ARHGEF18: variants seen among roughly 807,000 people sequenced by gnomAD.
The protein encoded by ARHGEF18 is rho guanine nucleotide exchange factor 18.
A neutral mutation model predicts 155.7 loss-of-function variants in ARHGEF18; 93 were observed. The ratio of observed to expected loss-of-function variants is 0.60; its 90% CI spans 0.50 to 0.71. ARHGEF18 has a LOEUF of 0.71. Ranked by LOEUF, ARHGEF18 falls within the 30% of genes least tolerant of loss-of-function variation. The pLI is 0.00. For synonymous variants in ARHGEF18, 742 were observed against 753.1 expected (o/e 0.99, Z 0.24); for missense variants, 1,593 against 1,816.1 (o/e 0.88, Z 2.23).
intron 10 of ARHGEF18, among the ~76,000 whole-genome samples, chr19:7,393,074 GA>G (rs902345454): frequency 1.4e-5 from 2 of 139,694 alleles, no homozygotes; most frequent in African/African-American, 5.3e-5. Flanking sequence ...AAAAAAAAAG[GA>G]AAAAAAATAA....
At chr19:7,449,600 G>T (rs1298234324) in intron 15 of ARHGEF18, among the ~76,000 whole-genome samples, 2 of 152,076 alleles carry the variant, frequency 1.3e-5, no homozygotes, top group Non-Finnish European at 1.5e-5. Context: ...TGGGTTAGGG[G>T]GTGTGTGTTC....
chr19:7,464,414 C>G, intron 22 of ARHGEF18, 146 bp from the exon 23 acceptor site: 1 of 965,716 alleles, frequency 1.0e-6, no homozygotes, highest in Non-Finnish European at 1.5e-6. Flanking sequence ...CAGCCTGCCC[C>G]TCTCCAGCAG....
Position 7,439,738 on chromosome 19 carries a change from T to A in ARHGEF18, c.968-606T>A, listed in dbSNP as rs560603725. 5 of 1,361,482 alleles carry A rather than the reference T, an allele frequency of 3.7e-6. No individual in the cohort carries two copies. The African/African-American group carries it at 7.3e-5, about 20-fold the overall frequency. The allele number at this position is 1,361,482 out of a possible 1,614,324, so 84.3% of individuals were successfully genotyped here. The stretch of plus-strand genomic sequence containing the variant: ...GTCTTAGAGTCACCCTAACATCTGA[T>A]CTAGATTAATTATCATCATGTGCGA... On this transcript the variant is annotated intron_variant, in intron 10 of 28. Transcript: ENST00000668164.
downstream of ARHGEF18, among the ~76,000 whole-genome samples, chr19:7,473,831 AAATT>A (rs75898191): frequency 7.7e-6 from 1 of 130,698 alleles, no homozygotes; most frequent in Non-Finnish European, 1.6e-5. Context: ...AAAAAAAAAA[AAATT>A]AGCCAGGTAT....
intron 1 of ARHGEF18, among the ~76,000 whole-genome samples, chr19:7,350,763 GGTGGGTGT>G (rs1455863814): frequency 0.21 from 27,876 of 133,032 alleles, 3,014 homozygotes; most frequent in African/African-American, 0.25. Context: ...AGTTTTTTGG[GGTGGGTGT>G]GTGTGTGTGT....
In ARHGEF18 at chr19:7,468,735, C is replaced by T. The variant is rs541348320; in HGVS notation, c.3481-90C>T. 14 of 1,360,988 alleles carry T rather than the reference C, an allele frequency of 1.0e-5. No homozygotes were observed. In the Admixed American group the frequency reaches 1.3e-4, roughly 13 times the overall value. 84.3% of individuals were successfully genotyped at this position (1,360,988 alleles called of 1,614,324 possible). ...TGGCTCTGTCCAGAACAGGAGAGGTCGAGGGTCTCCTGTGCACGACCCTCG... is the reference window on the plus strand; with the variant it reads ...TGGCTCTGTCCAGAACAGGAGAGGTTGAGGGTCTCCTGTGCACGACCCTCG... On this transcript the variant is annotated intron_variant, in intron 26 of 28. Transcript: ENST00000668164.
chr19:7,362,125 G>A lies in ARHGEF18; in HGVS notation c.-110-656G>A, dbSNP rs12976556. ...GGAGAAGGAGAAGGAGAAGGAGAAG[G>A]AGAAGGAGAAGGAGAAGGAGAAGGA... On this transcript the variant is annotated intron_variant, in intron 1 of 28. Coordinates refer to ENST00000668164, the MANE Select transcript of ARHGEF18 (RefSeq NM_001367823.1). Among the ~76,000 whole-genome samples, 8 of 25,918 alleles carry A rather than the reference G, an allele frequency of 3.1e-4. No individual in the cohort carries two copies. In the East Asian group the frequency reaches 5.7e-3, roughly 19 times the overall value. 17.0% of individuals were successfully genotyped at this position (25,918 alleles called of 152,430 possible).
In ARHGEF18 at chr19:7,466,830, A is replaced by G. The variant is rs1176408375; in HGVS notation, c.2905-88A>G. On this transcript the variant is annotated intron_variant, in intron 23 of 28. Transcript: ENST00000668164. ...AAAAAAAAAAAAAAAAAAAAAAGTT[A>G]AAAAAAAAGAAGAAGAAGAAGAAGG... The G allele has an allele frequency of 3.4e-5, 30 of 885,268 alleles. 1 individual carries two copies. The Middle Eastern group carries it at 1.1e-3, about 32-fold the overall frequency. The allele number at this position is 885,268 out of a possible 1,614,324, so 54.8% of individuals were successfully genotyped here. A position where few individuals can be genotyped will look rare whatever the true frequency, so the allele number is the denominator to read the frequency against.
intron 18 of ARHGEF18, among the ~76,000 whole-genome samples, chr19:7,457,165 T>A (rs190728915): frequency 5.3e-5 from 8 of 152,224 alleles, no homozygotes; most frequent in Non-Finnish European, 8.8e-5. Context: ...AAGATGAAGG[T>A]ATCAGCAGGG....
At chr19:7,389,784 G>A (rs1054475386) in intron 10 of ARHGEF18, among the ~76,000 whole-genome samples, 2 of 152,000 alleles carry the variant, frequency 1.3e-5, no homozygotes, top group Admixed American at 1.3e-4. Context: ...ATCCGCCCAC[G>A]AGTCGTGACA....
chr19:7,433,338 A>G (rs1344960289), intron 10 of ARHGEF18, among the ~76,000 whole-genome samples: 1 of 151,592 alleles, frequency 6.6e-6, no homozygotes, highest in Non-Finnish European at 1.5e-5. Flanking sequence ...GTGGTTGGAC[A>G]CACCTGTAGT....
chr19:7,362,759 C>A, intron 1 of ARHGEF18, 22 bp from the exon 2 acceptor site: 1 of 1,233,312 alleles, frequency 8.1e-7, no homozygotes, highest in South Asian at 4.2e-5. Flanking sequence ...TCCCTGACAC[C>A]TTGTCCCTCC....
intron 2 of ARHGEF18, among the ~76,000 whole-genome samples, chr19:7,364,000 G>T (rs1969759618): frequency 6.6e-6 from 1 of 150,570 alleles, no homozygotes; most frequent in Non-Finnish European, 1.5e-5. Flanking sequence ...TGAGAGGAAG[G>T]AAGGAAGGAA....
rs1319580840 is a variant in ARHGEF18, at chr19:7,471,066, C to T, written c.*768C>T. The T allele has an allele frequency of 3.4e-5, 12 of 358,068 alleles. No homozygotes were observed. Among genetic ancestry groups the T allele is most frequent in the Non-Finnish European group, 5.5e-5 (11 of 200,856 alleles). 22.2% of individuals were successfully genotyped at this position (358,068 alleles called of 1,614,324 possible). On this transcript the variant is annotated 3_prime_UTR_variant, in exon 29 of 29. Transcript: ENST00000668164. The surrounding 1 kb of genome is among the most constrained non-coding windows in gnomAD (Gnocchi z 4.4). ...CCAAACTCTGCTTCCCAAGGGCAACCGTTGCTGTTCACACGCTCAGCCTGT... is the reference window on the plus strand; with the variant it reads ...CCAAACTCTGCTTCCCAAGGGCAACTGTTGCTGTTCACACGCTCAGCCTGT...
At chr19:7,373,561 C>T (rs1228900970) in intron 3 of ARHGEF18, among the ~76,000 whole-genome samples, 6 of 151,486 alleles carry the variant, frequency 4.0e-5, no homozygotes, top group African/African-American at 1.2e-4. Context: ...CTGCAATCTC[C>T]GCCTCCTGGG....
chr19:7,461,590 A>G (rs953237307), intron 20 of ARHGEF18, among the ~76,000 whole-genome samples: 14 of 152,236 alleles, frequency 9.2e-5, no homozygotes, highest in African/African-American at 3.4e-4. Flanking sequence ...AGGATGGAAA[A>G]TTCAGTTTTC....
intron 10 of ARHGEF18, among the ~76,000 whole-genome samples, chr19:7,387,817 C>G (rs1031234105): frequency 6.6e-6 from 1 of 151,946 alleles, no homozygotes; most frequent in South Asian, 2.1e-4. Flanking sequence ...TTACAGGTAC[C>G]TGCCACCATG....
intron 1 of ARHGEF18, among the ~76,000 whole-genome samples, chr19:7,352,832 CTTTTTTTTTTT>C (rs587602037): frequency 4.0e-5 from 2 of 49,876 alleles, no homozygotes; most frequent in African/African-American, 1.5e-4. Context: ...CGTGCCTGGC[CTTTTTTTTTTT>C]TTTTTTTTTT....
At chr19:7,477,434 G>C (rs769485771), downstream of ARHGEF18, 1 of 1,436,054 alleles carries the variant, frequency 7.0e-7, no homozygotes, top group South Asian at 1.5e-5. Context: ...CCGGGGCAGC[G>C]GGCTGTGGGG....
Sources: allele counts gnomAD v4.1 joint callset (sites outside exome capture counted in the v4.1 genomes callset), GRCh38; gene constraint gnomAD v4.1.1; non-coding constraint Gnocchi (gnomAD v3.1); transcripts MANE v1.5; gene names NCBI Gene and HGNC (gene_info 2026-07-23, HGNC 2026-07-21).